Variants in NRXN3 observed in about 807,000 individuals in gnomAD.
NRXN3 encodes neurexin III.
Under a neutral mutation model 137.6 loss-of-function variants are expected in NRXN3, and 32 were observed. The ratio of observed to expected loss-of-function variants is 0.23; its 90% CI spans 0.18 to 0.31. NRXN3 has a LOEUF of 0.31. Ranked by LOEUF, NRXN3 falls within the 10% of genes least tolerant of loss-of-function variation. The probability of loss-of-function intolerance (pLI) is 1.00; values close to 1 mark genes in which losing one functional copy is unlikely to be tolerated. For synonymous variants in NRXN3, 798 were observed against 784.5 expected (o/e 1.02, Z -0.29); for missense variants, 1,574 against 2,062.5 (o/e 0.76, Z 4.59).
intron 4 of NRXN3, among the ~76,000 whole-genome samples, chr14:78,299,392 G>A (rs2076657223): frequency 6.6e-6 from 1 of 152,162 alleles, no homozygotes. Context: ...ATGAATTGCT[G>A]GAATTTGATG....
intron 8 of NRXN3, among the ~76,000 whole-genome samples, chr14:78,776,920 A>G (rs1026944409): frequency 6.6e-6 from 1 of 152,242 alleles, no homozygotes; most frequent in African/African-American, 2.4e-5. Flanking sequence ...GTAGGGAATA[A>G]GAATGCATTT....
chr14:79,307,937 C>T (rs114128453), intron 15 of NRXN3, among the ~76,000 whole-genome samples: 2,025 of 152,042 alleles, frequency 0.013, 50 homozygotes, highest in African/African-American at 0.046. Flanking sequence ...ACTAAAAGTC[C>T]GAGATCAAGG....
chr14:79,106,541 T>C (rs1386804439), intron 15 of NRXN3, among the ~76,000 whole-genome samples: 1 of 151,988 alleles, frequency 6.6e-6, no homozygotes, highest in Non-Finnish European at 1.5e-5. Flanking sequence ...ATTACCAAAC[T>C]AATAAAATAG....
chr14:78,238,242 TA>T (rs2066599488), intron 1 of NRXN3, among the ~76,000 whole-genome samples: 2 of 151,484 alleles, frequency 1.3e-5, no homozygotes, highest in African/African-American at 4.9e-5. Context: ...GATAATTATG[TA>T]AATTAGCTGA....
chr14:78,561,152 T>C lies in NRXN3; in HGVS notation c.758-83968T>C, dbSNP rs957674054. Among the ~76,000 whole-genome samples, 3 of 152,196 alleles carry C rather than the reference T, an allele frequency of 2.0e-5. No individual in the cohort carries two copies. The South Asian group carries it at 6.2e-4, about 32-fold the overall frequency. Reference sequence around the variant, plus strand: ...TCAGAAGCTTGGCTGCTTTTTGATGTGACCATCTCGACATGAGTCTTTAGG... The same window carrying C: ...TCAGAAGCTTGGCTGCTTTTTGATGCGACCATCTCGACATGAGTCTTTAGG... On this transcript the variant is annotated intron_variant, in intron 4 of 20. Transcript: ENST00000335750.
rs147147563 is a variant in NRXN3, at chr14:79,319,518, C to G, written c.3263-147703C>G. Among the ~76,000 whole-genome samples the G allele has an allele frequency of 5.4e-3, 820 of 152,168 alleles. 6 individuals carry two copies. The highest frequency in any genetic ancestry group is 0.019 in the African/African-American group (774 of 41,512). Reference sequence around the variant, plus strand: ...TTTAACAGCAGTAAAAACTGCTTAGCGGAAGCAGACTTGATGTTTTAGGGG... The same window carrying G: ...TTTAACAGCAGTAAAAACTGCTTAGGGGAAGCAGACTTGATGTTTTAGGGG... On this transcript the variant is annotated intron_variant, in intron 15 of 20. Coordinates refer to ENST00000335750, the MANE Select transcript of NRXN3 (RefSeq NM_001330195.2).
intron 10 of NRXN3, among the ~76,000 whole-genome samples, chr14:78,932,812 T>A (rs1597552364): frequency 1.3e-5 from 2 of 152,168 alleles, no homozygotes; most frequent in Non-Finnish European, 2.9e-5. Flanking sequence ...TTATATATAT[T>A]TTTTATTGTT....
chr14:79,344,685 A>T (rs1220670697), intron 15 of NRXN3, among the ~76,000 whole-genome samples: 2 of 152,192 alleles, frequency 1.3e-5, no homozygotes, highest in African/African-American at 2.4e-5. Flanking sequence ...ATTCAGATTT[A>T]AAAAATAAGC....
intron 2 of NRXN3, among the ~76,000 whole-genome samples, chr14:78,264,763 A>T (rs980463425): frequency 1.3e-5 from 2 of 152,216 alleles, no homozygotes; most frequent in African/African-American, 4.8e-5. Context: ...TAGATTTATC[A>T]GGGGATTTGT....
chr14:79,146,518 C>T (rs2059315952), intron 15 of NRXN3, among the ~76,000 whole-genome samples: 1 of 152,076 alleles, frequency 6.6e-6, no homozygotes, highest in African/African-American at 2.4e-5. Flanking sequence ...AGGAACTTCA[C>T]TCTCCTGGAG....
intron 4 of NRXN3, among the ~76,000 whole-genome samples, chr14:78,335,284 T>C (rs114681738): frequency 0.01 from 1,527 of 152,358 alleles, 26 homozygotes; most frequent in African/African-American, 0.035. Context: ...CTCTCCCTTT[T>C]AAGACTTTTA....
chr14:79,019,585 C>T (rs535688202), intron 15 of NRXN3, among the ~76,000 whole-genome samples: 5 of 152,062 alleles, frequency 3.3e-5, no homozygotes, highest in Non-Finnish European at 5.9e-5. Context: ...GAATTATGTC[C>T]GTGCTCGGGT....
Position 78,952,259 on chromosome 14 carries a change from G to T in NRXN3, c.2276-4983G>T, listed in dbSNP as rs1035806696. On this transcript the variant is annotated intron_variant, in intron 10 of 20. Coordinates refer to ENST00000335750, the MANE Select transcript of NRXN3 (RefSeq NM_001330195.2). ...TTTTTTTTTTCCAGTGAATATGAACGCTTTAAAACTAAGTTTGTAAAAACA... is the reference window on the plus strand; with the variant it reads ...TTTTTTTTTTCCAGTGAATATGAACTCTTTAAAACTAAGTTTGTAAAAACA... Among the ~76,000 whole-genome samples, 3 of 151,782 alleles carry T rather than the reference G, an allele frequency of 2.0e-5. No homozygotes were observed. The South Asian group carries it at 6.3e-4, about 32-fold the overall frequency.
At chr14:79,367,381 C>T (rs953557178) in intron 15 of NRXN3, among the ~76,000 whole-genome samples, 2 of 152,178 alleles carry the variant, frequency 1.3e-5, no homozygotes, top group Non-Finnish European at 2.9e-5. Flanking sequence ...TTATGTAGCA[C>T]ATATTTGACC....
chr14:79,192,863 C>T (rs943523306), intron 15 of NRXN3, among the ~76,000 whole-genome samples: 36 of 151,134 alleles, frequency 2.4e-4, no homozygotes, highest in African/African-American at 8.8e-4. Context: ...CTCCACCTCC[C>T]GGGTTCAAGA....
chr14:78,216,091 A>AT (rs2153418464), intron 1 of NRXN3, among the ~76,000 whole-genome samples: 1 of 152,260 alleles, frequency 6.6e-6, no homozygotes, highest in Non-Finnish European at 1.5e-5. Context: ...TTTTGCGGCC[A>AT]TTTTTCCGTG....
At position 78,525,981 on chromosome 14, in the gene NRXN3, G is replaced by A. The variant is rs1466167875; in HGVS notation, c.758-119139G>A. Among the ~76,000 whole-genome samples the A allele has an allele frequency of 8.5e-5, 13 of 152,240 alleles. No individual in the cohort carries two copies. The East Asian group carries it at 1.5e-3, about 18-fold the overall frequency. On this transcript the variant is annotated intron_variant, in intron 4 of 20. Coordinates refer to ENST00000335750, the MANE Select transcript of NRXN3 (RefSeq NM_001330195.2). ...CATTTCTGGATTCCTGACTGAAAGG[G>A]GATTCATAAGAGCCTTGCTTACTTC...
chr14:78,532,375 TTGTGTGTGTGTGTGTGTGTG>T (rs56788209), intron 4 of NRXN3, among the ~76,000 whole-genome samples: 20 of 138,660 alleles, frequency 1.4e-4, no homozygotes, highest in Admixed American at 7.3e-5. Context: ...TGATGATATT[TTGTGTGTGTGTGTGTGTGTG>T]TGTGTGTGTG....
chr14:78,956,650 A>G (rs1181477730), intron 10 of NRXN3, among the ~76,000 whole-genome samples: 5 of 152,154 alleles, frequency 3.3e-5, no homozygotes, highest in African/African-American at 1.2e-4. Context: ...CAGGAGCATT[A>G]TTTATGATGG....
Sources: allele counts gnomAD v4.1 joint callset (sites outside exome capture counted in the v4.1 genomes callset), GRCh38; gene constraint gnomAD v4.1.1; transcripts MANE v1.5; gene names NCBI Gene and HGNC (gene_info 2026-07-23, HGNC 2026-07-21).